Variants in ASB18 observed in about 807,000 individuals in gnomAD.
ASB18 encodes ankyrin repeat and SOCS box containing 18.
Under a neutral mutation model 33.4 loss-of-function variants are expected in ASB18, and 33 were observed. The observed-to-expected ratio is 0.99, with a 90% CI of 0.75 to 1.32. The LOEUF is 1.32. Ranked by LOEUF, ASB18 falls within the 40% of genes most tolerant of loss-of-function variation. The pLI, the probability that ASB18 is intolerant of heterozygous loss-of-function variation, is 0.00. For missense variants in ASB18, 694 were observed against 655.5 expected, an observed-to-expected ratio of 1.06 and a Z score of -0.64; for synonymous variants, 295 against 307.6, an observed-to-expected ratio of 0.96 and a Z score of 0.43.
chr2:236,238,016 G>T lies in ASB18; in HGVS notation c.329-60C>A. The T allele has an allele frequency of 7.2e-7, 1 of 1,392,396 alleles. No individual in the cohort carries two copies. The highest frequency in any genetic ancestry group is 9.3e-7 in the Non-Finnish European group (1 of 1,070,514). 86.3% of individuals were successfully genotyped at this position (1,392,396 alleles called of 1,614,324 possible). A position where few individuals can be genotyped will look rare whatever the true frequency, so the allele number is the denominator to read the frequency against. ...GAGGTTAGTTGTGGTGGTGGTGGGC[G>T]GTGTTCCTTAAGGCGGAAAGAAAGT... On this transcript the variant is annotated intron_variant, in intron 2 of 5. Transcript: ENST00000409749. This position sits in a 1 kb window ranked among gnomAD's most constrained non-coding sequence, Gnocchi z 5.2.
At chr2:236,199,906 G>C (rs1454242660) in intron 4 of ASB18, among the ~76,000 whole-genome samples, 1 of 151,926 alleles carries the variant, frequency 6.6e-6, no homozygotes, top group Admixed American at 6.6e-5. Flanking sequence ...GTAGTAATTT[G>C]ATAGTTTTCA....
In ASB18 at chr2:236,214,802, T is replaced by TGTCCCGGCCCGTGCCGC. The variant is rs1391419633; in HGVS notation, c.644_660dup (p.Thr221AlafsTer42). 1.7e-6 allele frequency: 2 copies of TGTCCCGGCCCGTGCCGC among 1,207,580 alleles called. No homozygotes were observed. The highest frequency in any genetic ancestry group is 2.1e-6 in the Non-Finnish European group (2 of 972,164). The allele number at this position is 1,207,580 out of a possible 1,614,324, so 74.8% of individuals were successfully genotyped here. On this transcript the variant is annotated frameshift_variant, in exon 4 of 6. Coordinates refer to ENST00000409749, the MANE Select transcript of ASB18 (RefSeq NM_212556.4). LOFTEE classifies it high-confidence loss of function. The surrounding 1 kb of genome is among the most constrained non-coding windows in gnomAD (Gnocchi z 6.5). ...CGCTGCGCCGCCACGTGCAGCGGCG[T>TGTCCCGGCCCGTGCCGC]GTCCCGGCCCGTGCCGCCCACGCGC...
chr2:236,245,160 T>G lies in ASB18; in HGVS notation c.206-3758A>C, dbSNP rs1275527333. On this transcript the variant is annotated intron_variant, in intron 1 of 5. Coordinates refer to ENST00000409749, the MANE Select transcript of ASB18 (RefSeq NM_212556.4). This position sits in a 1 kb window ranked among gnomAD's most constrained non-coding sequence, Gnocchi z 4.7. ...GGCCGTAGGTTTATTTTTTACCATG[T>G]TTATCTGACCTCTGGGCAAAGGCTC... Among the ~76,000 whole-genome samples, 1 of 152,190 alleles carries G rather than the reference T, an allele frequency of 6.6e-6. No individual in the cohort carries two copies. The highest frequency in any genetic ancestry group is 1.5e-5 in the Non-Finnish European group (1 of 68,038).
chr2:236,212,481 T>C (rs1485652041), intron 4 of ASB18, among the ~76,000 whole-genome samples: 1 of 152,242 alleles, frequency 6.6e-6, no homozygotes, highest in South Asian at 2.1e-4. Flanking sequence ...CAAAGGATTA[T>C]TTCTAGTCGC....
At position 236,238,164 on chromosome 2, in the gene ASB18, A is replaced by G. The variant is rs2106279104; in HGVS notation, c.329-208T>C. ...GGAAGAGACAGGCGTAGACAGAGGA[A>G]GAAATACAAAGGAGAGATTGAAGGC... On this transcript the variant is annotated intron_variant, in intron 2 of 5. Coordinates refer to ENST00000409749, the MANE Select transcript of ASB18 (RefSeq NM_212556.4). This position sits in a 1 kb window ranked among gnomAD's most constrained non-coding sequence, Gnocchi z 5.2. Among the ~76,000 whole-genome samples the G allele has an allele frequency of 6.6e-6, 1 of 152,252 alleles. No individual in the cohort carries two copies. The highest frequency in any genetic ancestry group is 2.1e-4 in the South Asian group (1 of 4,812).
chr2:236,218,417 G>A (rs1357977617), intron 3 of ASB18, among the ~76,000 whole-genome samples: 1 of 152,212 alleles, frequency 6.6e-6, no homozygotes, highest in Non-Finnish European at 1.5e-5. Context: ...TACATTTGCA[G>A]TGGATGTGAA....
chr2:236,240,013 C>T (rs374208831), intron 2 of ASB18, among the ~76,000 whole-genome samples: 5 of 152,224 alleles, frequency 3.3e-5, no homozygotes, highest in South Asian at 2.1e-4. Context: ...AGTATCCTGT[C>T]GTCCAGGTGT....
At position 236,215,741 on chromosome 2, in the gene ASB18, C is replaced by T. The variant is rs1161712048; in HGVS notation, c.597-875G>A. 1.3e-5 allele frequency among the ~76,000 whole-genome samples: 2 copies of T among 152,164 alleles called. No homozygotes were observed. The highest frequency in any genetic ancestry group is 2.9e-5 in the Non-Finnish European group (2 of 68,036). ...GCCGGAAGACAGTCATACAGACCCT[C>T]TGCCCTCCGCTGGTCCTTGTCCTTC... On this transcript the variant is annotated intron_variant, in intron 3 of 5. Transcript: ENST00000409749. The surrounding 1 kb of genome is among the most constrained non-coding windows in gnomAD (Gnocchi z 7.2).
In ASB18 at chr2:236,196,463, G is replaced by T; in HGVS notation, c.1102-78C>A. 1.3e-6 allele frequency: 1 copy of T among 760,544 alleles called. No homozygotes were observed. The highest frequency in any genetic ancestry group is 2.3e-6 in the Non-Finnish European group (1 of 434,666). The allele number at this position is 760,544 out of a possible 1,614,324, so 47.1% of individuals were successfully genotyped here. On this transcript the variant is annotated intron_variant, in intron 4 of 5. Transcript: ENST00000409749. The surrounding 1 kb of genome is among the most constrained non-coding windows in gnomAD (Gnocchi z 5.6). ...AGTGGGGAAAGGGTGGGGGGTGTGG[G>T]GGGATGCTCTCCCTAGCTGTGTGAC...
Position 236,220,852 on chromosome 2 carries a change from G to A in ASB18, c.597-5986C>T, listed in dbSNP as rs59742580. On this transcript the variant is annotated intron_variant, in intron 3 of 5. Coordinates refer to ENST00000409749, the MANE Select transcript of ASB18 (RefSeq NM_212556.4). The surrounding 1 kb of genome is among the most constrained non-coding windows in gnomAD (Gnocchi z 5.1). ...CATTCATTCAATAAGCAGAGAACAT[G>A]TGCCATGCTCCTTTCGAGGTAAGGA... 0.045 allele frequency among the ~76,000 whole-genome samples: 6,801 copies of A among 152,246 alleles called. 287 individuals carry two copies. Among genetic ancestry groups the A allele is most frequent in the African/African-American group, 0.11 (4,772 of 41,512 alleles).
In ASB18 at chr2:236,231,096, G is replaced by T. The variant is rs2060562680; in HGVS notation, c.596+6593C>A. ...CCATGCTCTTCTCTCCTCTCCTTGA[G>T]CGTGGGCAGAACCTTTGATTTGCCG... is the stretch of plus-strand genomic sequence containing the variant. On this transcript the variant is annotated intron_variant, in intron 3 of 5. Coordinates refer to ENST00000409749, the MANE Select transcript of ASB18 (RefSeq NM_212556.4). The surrounding 1 kb of genome is among the most constrained non-coding windows in gnomAD (Gnocchi z 5.5). Among the ~76,000 whole-genome samples, 1 of 152,148 alleles carries T rather than the reference G, an allele frequency of 6.6e-6. No homozygotes were observed. Among genetic ancestry groups the T allele is most frequent in the Non-Finnish European group, 1.5e-5 (1 of 68,030 alleles).
At position 236,204,947 on chromosome 2, in the gene ASB18, T is replaced by C. The variant is rs1020318877; in HGVS notation, c.1102-8562A>G. On this transcript the variant is annotated intron_variant, in intron 4 of 5. Coordinates refer to ENST00000409749, the MANE Select transcript of ASB18 (RefSeq NM_212556.4). The surrounding 1 kb of genome is among the most constrained non-coding windows in gnomAD (Gnocchi z 5.1). ...TGTTTCTCCTACACTCCACATCCCA[T>C]CTGTTAAAAAATCCTGTTGGCTCTA... Among the ~76,000 whole-genome samples the C allele has an allele frequency of 2.6e-5, 4 of 152,116 alleles. No homozygotes were observed. The highest frequency in any genetic ancestry group is 9.7e-5 in the African/African-American group (4 of 41,424).
In ASB18 at chr2:236,238,902, T is replaced by G. The variant is rs2060608803; in HGVS notation, c.329-946A>C. ...CAGGCCACCTCCTTCCCAGGACCCATGCTGAGCAGCCTTGAAAGTCCATTC... is the reference window on the plus strand; with the variant it reads ...CAGGCCACCTCCTTCCCAGGACCCAGGCTGAGCAGCCTTGAAAGTCCATTC... On this transcript the variant is annotated intron_variant, in intron 2 of 5. Transcript: ENST00000409749. This position sits in a 1 kb window ranked among gnomAD's most constrained non-coding sequence, Gnocchi z 5.2. Among the ~76,000 whole-genome samples, 3 of 152,150 alleles carry G rather than the reference T, an allele frequency of 2.0e-5. No homozygotes were observed. Among genetic ancestry groups the G allele is most frequent in the Admixed American group, 1.3e-4 (2 of 15,270 alleles).
At position 236,264,367 on chromosome 2, in the gene ASB18, A is replaced by T. The variant is rs1442440481; in HGVS notation, c.-22T>A. The T allele has an allele frequency of 6.2e-7, 1 of 1,607,538 alleles. No individual in the cohort carries two copies. The highest frequency in any genetic ancestry group is 1.3e-5 in the African/African-American group (1 of 74,736). ...ACATTGTTACGTCGTTTCTGCAGTG[A>T]CCAGCCCTTCTTTTCTTCCTCTAAA... On this transcript the variant is annotated 5_prime_UTR_variant, in exon 1 of 6. Coordinates refer to ENST00000409749, the MANE Select transcript of ASB18 (RefSeq NM_212556.4). The surrounding 1 kb of genome is among the most constrained non-coding windows in gnomAD (Gnocchi z 5.1).
In ASB18 at chr2:236,222,893, AC is replaced by A. The variant is rs1360071739; in HGVS notation, c.597-8028del. On this transcript the variant is annotated intron_variant, in intron 3 of 5. Transcript: ENST00000409749. This position sits in a 1 kb window ranked among gnomAD's most constrained non-coding sequence, Gnocchi z 5.5. ...AAATTAGATGGGTGTGGTGGCGCACACCTGTAGTCCCAGCTACTTGGGAAGC... is the reference window on the plus strand; with the variant it reads ...AAATTAGATGGGTGTGGTGGCGCACACTGTAGTCCCAGCTACTTGGGAAGC... 6.6e-6 allele frequency among the ~76,000 whole-genome samples: 1 copy of A among 152,128 alleles called. No individual in the cohort carries two copies. The highest frequency in any genetic ancestry group is 2.4e-5 in the African/African-American group (1 of 41,412).
At chr2:236,198,297 C>T (rs935423239) in intron 4 of ASB18, among the ~76,000 whole-genome samples, 1 of 152,062 alleles carries the variant, frequency 6.6e-6, no homozygotes, top group Non-Finnish European at 1.5e-5. Context: ...TGGGTGAATG[C>T]TTTGCATATG....
At position 236,245,757 on chromosome 2, in the gene ASB18, C is replaced by G. The variant is rs757238248; in HGVS notation, c.206-4355G>C. Reference sequence around the variant, plus strand: ...AGGACGGTGGGGGCTGCTGCTTCCTCTCTGGGAAGTTCTTCATGCCCCGCA... The same window carrying G: ...AGGACGGTGGGGGCTGCTGCTTCCTGTCTGGGAAGTTCTTCATGCCCCGCA... On this transcript the variant is annotated intron_variant, in intron 1 of 5. Transcript: ENST00000409749. The surrounding 1 kb of genome is among the most constrained non-coding windows in gnomAD (Gnocchi z 4.7). Among the ~76,000 whole-genome samples, 2 of 152,212 alleles carry G rather than the reference C, an allele frequency of 1.3e-5. No individual in the cohort carries two copies. The highest frequency in any genetic ancestry group is 2.9e-5 in the Non-Finnish European group (2 of 68,036).
chr2:236,196,457 G>C lies in ASB18; in HGVS notation c.1102-72C>G, dbSNP rs1559325372. 3 of 816,492 alleles carry C rather than the reference G, an allele frequency of 3.7e-6. No homozygotes were observed. The highest frequency in any genetic ancestry group is 2.1e-5 in the Admixed American group (1 of 48,692). 50.6% of individuals were successfully genotyped at this position (816,492 alleles called of 1,614,324 possible). A position where few individuals can be genotyped will look rare whatever the true frequency, so the allele number is the denominator to read the frequency against. ...GGTCTCAGTGGGGAAAGGGTGGGGG[G>C]TGTGGGGGGATGCTCTCCCTAGCTG... On this transcript the variant is annotated intron_variant, in intron 4 of 5. Coordinates refer to ENST00000409749, the MANE Select transcript of ASB18 (RefSeq NM_212556.4). This position sits in a 1 kb window ranked among gnomAD's most constrained non-coding sequence, Gnocchi z 5.6.
rs2060727331 is a variant in ASB18, at chr2:236,263,046, T to A, written c.205+1095A>T. 6.6e-6 allele frequency among the ~76,000 whole-genome samples: 1 copy of A among 152,210 alleles called. No homozygotes were observed. Among genetic ancestry groups the A allele is most frequent in the Non-Finnish European group, 1.5e-5 (1 of 68,038 alleles). ...TGATGCATGTACTTGCGTGTGCGTG[T>A]GTGCACCTATGTTGGGAGGGAGAAT... On this transcript the variant is annotated intron_variant, in intron 1 of 5. Transcript: ENST00000409749. The surrounding 1 kb of genome is among the most constrained non-coding windows in gnomAD (Gnocchi z 4.0).
Sources: allele counts gnomAD v4.1 joint callset (sites outside exome capture counted in the v4.1 genomes callset), GRCh38; gene constraint gnomAD v4.1.1; non-coding constraint Gnocchi (gnomAD v3.1); transcripts MANE v1.5; gene names NCBI Gene and HGNC (gene_info 2026-07-23, HGNC 2026-07-21).